ATR: variants seen among roughly 807,000 people sequenced by gnomAD.
The protein encoded by ATR is ATR checkpoint kinase.
Under a neutral mutation model 305.3 loss-of-function variants are expected in ATR, and 142 were observed. The observed-to-expected ratio is 0.47, with a 90% CI of 0.41 to 0.53. The LOEUF (loss-of-function observed/expected upper bound fraction) is 0.53. Ranked by LOEUF, ATR falls within the 20% of genes least tolerant of loss-of-function variation. The pLI, the probability that ATR is intolerant of heterozygous loss-of-function variation, is 0.00. For synonymous variants in ATR, 1,050 were observed against 1,068.1 expected (o/e 0.98, Z 0.33); for missense variants, 2,135 against 3,133.1 (o/e 0.68, Z 7.60).
chr3:142,457,211 T>C (rs1306703288), intron 45 of ATR, among the ~76,000 whole-genome samples: 3 of 152,164 alleles, frequency 2.0e-5, no homozygotes, highest in Non-Finnish European at 4.4e-5. Context: ...TATTAGATGA[T>C]TCCATTTATA....
At chr3:142,496,289 T>C (rs1401821034) in intron 34 of ATR, 72 bp downstream of exon 34, 1 of 26,146 alleles carries the variant, frequency 3.8e-5, no homozygotes, top group Admixed American at 4.4e-4. Flanking sequence ...TATATATATA[T>C]ATATATATAT....
chr3:142,451,559 G>C (rs1198559567), intron 46 of ATR: 1 of 1,330,738 alleles, frequency 7.5e-7, no homozygotes, highest in Non-Finnish European at 9.8e-7. Flanking sequence ...GCACTTGTCT[G>C]TATGCTTCAT....
chr3:142,479,523 C>T (rs1219590410), intron 36 of ATR, among the ~76,000 whole-genome samples: 2 of 152,122 alleles, frequency 1.3e-5, no homozygotes, highest in Non-Finnish European at 2.9e-5. Flanking sequence ...CCTTAACGTT[C>T]GTTCCTTCAT....
chr3:142,515,595 T>C (rs1362806039), intron 24 of ATR, 80 bp from the exon 25 acceptor site: 9 of 1,417,162 alleles, frequency 6.4e-6, no homozygotes, highest in South Asian at 4.9e-5. Flanking sequence ...ACTCCTTCAG[T>C]TGACTACCTC....
intron 26 of ATR, among the ~76,000 whole-genome samples, chr3:142,513,080 G>A (rs758150273): frequency 8.6e-5 from 13 of 151,992 alleles, no homozygotes; most frequent in Non-Finnish European, 1.8e-4. Context: ...ATTAAGTTCA[G>A]AGTAATTGAA....
Position 142,556,061 on chromosome 3 carries a change from G to T in ATR, c.2157C>A (p.His719Gln). 1 of 1,613,978 alleles carries T rather than the reference G, an allele frequency of 6.2e-7. No individual in the cohort carries two copies. Among genetic ancestry groups the T allele is most frequent in the African/African-American group, 1.3e-5 (1 of 75,024 alleles). The change falls in exon 10 of 47, where the codon CAC becomes CAA. Residue 719 changes from histidine (H) to glutamine (Q), a missense_variant. By Grantham distance (24) the His-to-Gln change is conservative. Coordinates refer to ENST00000350721, the MANE Select transcript of ATR (RefSeq NM_001184.4). The part of the protein sequence containing the change: ...SILGQLVCTL[H>Q]GMFYLTSSLT... ...AAGAACTTGTCAGATAAAACATGCC[G>T]TGAAGAGTACAGACAAGTTGACCAA... is the stretch of plus-strand genomic sequence containing the variant.
At chr3:142,513,461 T>C (rs764316853) in intron 26 of ATR, 40 bp downstream of exon 26, 5 of 1,605,652 alleles carry the variant, frequency 3.1e-6, no homozygotes, top group East Asian at 2.2e-5. Flanking sequence ...AGAAAGTAAG[T>C]TTCACATGTT....
chr3:142,577,386 C>T (rs1248163684), intron 1 of ATR, among the ~76,000 whole-genome samples: 1 of 152,172 alleles, frequency 6.6e-6, no homozygotes, highest in Non-Finnish European at 1.5e-5. Flanking sequence ...CACAATGAGC[C>T]TGAAAGATGA....
chr3:142,490,074 T>G (rs918250489), intron 35 of ATR, among the ~76,000 whole-genome samples: 1 of 152,222 alleles, frequency 6.6e-6, no homozygotes, highest in Non-Finnish European at 1.5e-5. Flanking sequence ...TTTTTTCTTT[T>G]AATAGACAAA....
intron 1 of ATR, 150 bp from the exon 2 acceptor site, chr3:142,568,304 G>A: frequency 1.5e-6 from 1 of 665,102 alleles, no homozygotes; most frequent in East Asian, 2.8e-5. Flanking sequence ...AAGAAAATCT[G>A]AATATGTTAC....
rs114448866 is a variant in ATR, at chr3:142,502,760, T to C, written c.5288+602A>G. Among the ~76,000 whole-genome samples, 1,354 of 152,346 alleles carry C rather than the reference T, an allele frequency of 8.9e-3. 20 individuals are homozygous for C. Among genetic ancestry groups the C allele is most frequent in the African/African-American group, 0.031 (1,281 of 41,572 alleles). ...GAATAGCCATTTAGAGTCTGGTGAA[T>C]AAATCAAGGAATACAGCTGTCAGCT... On this transcript the variant is annotated intron_variant, in intron 30 of 46. Transcript: ENST00000350721.
intron 30 of ATR, among the ~76,000 whole-genome samples, chr3:142,501,429 AT>A (rs1577581158): frequency 1.3e-5 from 2 of 152,336 alleles, no homozygotes; most frequent in East Asian, 3.9e-4. Flanking sequence ...CTGTGATACC[AT>A]CTGACCAACA....
intron 13 of ATR, 138 bp from the exon 14 acceptor site, chr3:142,550,440 C>A: frequency 1.1e-6 from 1 of 892,604 alleles, no homozygotes; most frequent in East Asian, 2.6e-5. Flanking sequence ...TTATAACAAC[C>A]TTAATGAGGT....
In ATR at chr3:142,562,513, T is replaced by C. The variant is rs2034919082; in HGVS notation, c.889A>G (p.Lys297Glu). Residue 297 changes from lysine to glutamate, a missense_variant, in exon 4 of 47, where the codon AAG becomes GAG. Around this residue, in one of 9 missense-constraint regions of ATR, gnomAD observed 744 missense variants for 873.2 expected, o/e 0.85. Transcript: ENST00000350721. Reference protein sequence around the residue: ...QLKLYEEPLSKLIKTLFPFEA... With the variant: ...QLKLYEEPLSELIKTLFPFEA... ...AAGGGAAATAGTGTCTTTATCAGCT[T>C]TGATAATGGCTCTTCATAGAGTTTC... 6.2e-7 allele frequency: 1 copy of C among 1,613,854 alleles called. No homozygotes were observed. Among genetic ancestry groups the C allele is most frequent in the African/African-American group, 1.3e-5 (1 of 74,876 alleles).
intron 3 of ATR, among the ~76,000 whole-genome samples, chr3:142,563,504 G>A (rs540796380): frequency 6.6e-6 from 1 of 152,252 alleles, no homozygotes; most frequent in South Asian, 2.1e-4. Flanking sequence ...ATTGTTTGGA[G>A]CTGTCATGAA....
chr3:142,467,795 A>G lies in ATR; in HGVS notation c.6687+139T>C, dbSNP rs777773813. On this transcript the variant is annotated intron_variant, in intron 39 of 46. Coordinates refer to ENST00000350721, the MANE Select transcript of ATR (RefSeq NM_001184.4). Reference sequence around the variant, plus strand: ...ACTGCTTTATTAAGACAAATCATACATAATTAAAATATACATTTTGATATA... The same window carrying G: ...ACTGCTTTATTAAGACAAATCATACGTAATTAAAATATACATTTTGATATA... 1.9e-4 allele frequency: 182 copies of G among 963,692 alleles called. 1 individual carries two copies. Among genetic ancestry groups the G allele is most frequent in the Non-Finnish European group, 2.5e-4 (173 of 692,810 alleles). 59.7% of individuals were successfully genotyped at this position (963,692 alleles called of 1,614,324 possible).
chr3:142,471,140 G>A (rs561763781), intron 36 of ATR, among the ~76,000 whole-genome samples: 2 of 151,990 alleles, frequency 1.3e-5, no homozygotes, highest in African/African-American at 2.4e-5. Flanking sequence ...AACCACCATT[G>A]TACTTTCTGT....
chr3:142,529,955 CT>C (rs763139100), intron 21 of ATR, among the ~76,000 whole-genome samples: 12 of 152,048 alleles, frequency 7.9e-5, no homozygotes, highest in Non-Finnish European at 1.5e-4. Context: ...TAGATTAGGT[CT>C]TTTATTTCCA....
chr3:142,457,620 G>C lies in ATR; in HGVS notation c.7639C>G (p.Arg2547Gly). 1 of 1,613,920 alleles carries C rather than the reference G, an allele frequency of 6.2e-7. No individual in the cohort carries two copies. The highest frequency in any genetic ancestry group is 8.5e-7 in the Non-Finnish European group (1 of 1,179,932). The change falls in exon 45 of 47, where the codon CGA (arginine) becomes GGA (glycine). Residue 2547 changes from arginine (R) to glycine (G), a missense_variant. Around this residue, in one of 9 missense-constraint regions of ATR, gnomAD observed 462 missense variants for 887.6 expected, o/e 0.52. Coordinates refer to ENST00000350721, the MANE Select transcript of ATR (RefSeq NM_001184.4). ...EVTMRLMRDQREPLMSVLKTF... is the reference protein window; with the variant it reads ...EVTMRLMRDQGEPLMSVLKTF... ...GGTGATTACCTCATTAAAGGCTCTC[G>C]CTGATCACGCATCAGCCTCATTGTA... is the stretch of plus-strand genomic sequence containing the variant.
Sources: gnomAD v4.1 joint callset for allele counts (sites outside exome capture counted in the v4.1 genomes callset) on GRCh38, gnomAD v4.1.1 for gene constraint, gnomAD v4.1.1 regional missense constraint, MANE v1.5 for transcripts, NCBI Gene and HGNC (gene_info 2026-07-23, HGNC 2026-07-21) for gene names.